Variants in ST18 observed in about 807,000 individuals in gnomAD.
ST18 encodes suppression of tumorigenicity 18 protein.
ST18 carries 50 observed loss-of-function variants against 110.0 expected under a neutral mutation model. The observed-to-expected ratio is 0.45, with a 90% CI of 0.36 to 0.58. The LOEUF (loss-of-function observed/expected upper bound fraction) is 0.58, where lower values mean the gene tolerates loss of function less well. Among genes scored for constraint, ST18 ranks in the 20% least tolerant of loss-of-function variants. The pLI is 0.00. For missense variants in ST18, 1,306 were observed against 1,280.1 expected, an observed-to-expected ratio of 1.02 and a Z score of -0.31; for synonymous variants, 461 against 452.4, an observed-to-expected ratio of 1.02 and a Z score of -0.24.
At position 52,142,623 on chromosome 8, in the gene ST18, A is replaced by G. The variant is rs181639049; in HGVS notation, c.2168+307T>C. Among the ~76,000 whole-genome samples, 5 of 152,320 alleles carry G rather than the reference A, an allele frequency of 3.3e-5. 1 individual carries two copies. The highest frequency in any genetic ancestry group is 6.5e-5 in the Admixed American group (1 of 15,312). ...CTTGCCCAAATAACAATTTGCATCA[A>G]GTGTTAGAAGGTTAGTAGAGTCCCA... On this transcript the variant is annotated intron_variant, in intron 17 of 25. Coordinates refer to ENST00000689386, the MANE Select transcript of ST18 (RefSeq NM_001352837.2).
At position 52,215,809 on chromosome 8, in the gene ST18, A is replaced by G. The variant is rs541225903; in HGVS notation, c.1-1552T>C. Among the ~76,000 whole-genome samples, 4 of 152,224 alleles carry G rather than the reference A, an allele frequency of 2.6e-5. No individual in the cohort carries two copies. The South Asian group carries it at 6.2e-4, about 24-fold the overall frequency. On this transcript the variant is annotated intron_variant, in intron 6 of 25. Coordinates refer to ENST00000689386, the MANE Select transcript of ST18 (RefSeq NM_001352837.2). ...AATGGCTTGGTTTACTCAGGATAGT[A>G]AGCACTGTGTTGTGAAATCCCCCTC...
At chr8:52,205,749 G>A (rs921873447) in intron 8 of ST18, among the ~76,000 whole-genome samples, 2 of 151,924 alleles carry the variant, frequency 1.3e-5, no homozygotes, top group Non-Finnish European at 2.9e-5. Flanking sequence ...CATATTTTTA[G>A]TAGAGAAAGG....
In ST18 at chr8:52,172,215, G is replaced by C; in HGVS notation, c.646C>G (p.Pro216Ala). 1 of 1,614,126 alleles carries C rather than the reference G, an allele frequency of 6.2e-7. No homozygotes were observed. The highest frequency in any genetic ancestry group is 8.5e-7 in the Non-Finnish European group (1 of 1,180,024). Residue 216 changes from proline (P) to alanine (A), a missense_variant, in exon 10 of 26, where the codon CCT (proline) becomes GCT (alanine). Coordinates refer to ENST00000689386, the MANE Select transcript of ST18 (RefSeq NM_001352837.2). The stretch of plus-strand genomic sequence containing the variant: ...GTTAAAACATACTTTGGGACTCTAG[G>C]TGGTTTGGTTTCTTCTGAGAAGTTG... ...GSNFSEETKP[P>A]RVPKYVLTDH...
intron 2 of ST18, among the ~76,000 whole-genome samples, chr8:52,285,494 C>T (rs2095455393): frequency 6.6e-6 from 1 of 152,182 alleles, no homozygotes; most frequent in African/African-American, 2.4e-5. Context: ...AGCAAGAAGT[C>T]AGATGCCAGG....
intron 2 of ST18, among the ~76,000 whole-genome samples, chr8:52,241,640 T>C (rs571335270): frequency 1.3e-5 from 2 of 152,230 alleles, no homozygotes; most frequent in Non-Finnish European, 2.9e-5. Flanking sequence ...TCTGATACTT[T>C]TAGGCTTGTA....
intron 2 of ST18, among the ~76,000 whole-genome samples, chr8:52,271,090 G>T (rs2138896488): frequency 6.6e-6 from 1 of 152,084 alleles, no homozygotes; most frequent in African/African-American, 2.4e-5. Flanking sequence ...AGTAGAGATG[G>T]GGTTTCACTG....
At chr8:52,195,497 GA>G (rs1279217692) in intron 8 of ST18, among the ~76,000 whole-genome samples, 1 of 151,756 alleles carries the variant, frequency 6.6e-6, no homozygotes, top group East Asian at 1.9e-4. Context: ...TGATCATAAA[GA>G]AAGATAAAAA....
At chr8:52,152,517 T>C (rs930204776) in intron 15 of ST18, among the ~76,000 whole-genome samples, 1 of 152,234 alleles carries the variant, frequency 6.6e-6, no homozygotes, top group Non-Finnish European at 1.5e-5. Context: ...CTTTCCGACT[T>C]AGAGGGGACA....
chr8:52,214,179 C>T (rs1344655881), intron 7 of ST18, 24 bp downstream of exon 7: 13 of 1,613,564 alleles, frequency 8.1e-6, no homozygotes, highest in African/African-American at 5.3e-5. Context: ...GGCATAGTGT[C>T]ATAGAACCTG....
intron 9 of ST18, among the ~76,000 whole-genome samples, chr8:52,178,762 C>T (rs1271723614): frequency 1.3e-5 from 2 of 150,238 alleles, no homozygotes; most frequent in Non-Finnish European, 2.9e-5. Flanking sequence ...TTATAATTTA[C>T]AGATGAGCTA....
intron 8 of ST18, among the ~76,000 whole-genome samples, chr8:52,188,798 A>G (rs1022057413): frequency 1.3e-5 from 2 of 152,180 alleles, no homozygotes; most frequent in African/African-American, 2.4e-5. Context: ...TGGAATTATG[A>G]GAGATTAGAT....
intron 2 of ST18, among the ~76,000 whole-genome samples, chr8:52,391,046 T>A (rs1269358726): frequency 6.6e-6 from 1 of 152,206 alleles, no homozygotes; most frequent in Non-Finnish European, 1.5e-5. Context: ...AGATGCTGTG[T>A]GTACCCAGGA....
intron 8 of ST18, among the ~76,000 whole-genome samples, chr8:52,196,985 G>A (rs2076390655): frequency 6.6e-6 from 1 of 152,186 alleles, no homozygotes. Flanking sequence ...AAAAGTTGGA[G>A]TTCAAAGTAA....
intron 2 of ST18, among the ~76,000 whole-genome samples, chr8:52,340,332 C>T (rs973602821): frequency 6.6e-5 from 10 of 152,212 alleles, no homozygotes; most frequent in East Asian, 1.9e-4. Context: ...CACTGGTGTA[C>T]GTTTTATGTG....
chr8:52,255,547 T>C (rs1200258365), intron 2 of ST18, among the ~76,000 whole-genome samples: 1 of 152,150 alleles, frequency 6.6e-6, no homozygotes, highest in East Asian at 1.9e-4. Flanking sequence ...CTACAAGACT[T>C]TTCATACTAA....
intron 2 of ST18, among the ~76,000 whole-genome samples, chr8:52,305,905 T>A (rs2095804906): frequency 6.6e-6 from 1 of 152,214 alleles, no homozygotes; most frequent in Admixed American, 6.5e-5. Flanking sequence ...ATGCTCTTTT[T>A]AAAGTGTTTG....
chr8:52,282,862 G>A (rs1238472200), intron 2 of ST18, among the ~76,000 whole-genome samples: 1 of 152,068 alleles, frequency 6.6e-6, no homozygotes, highest in South Asian at 2.1e-4. Flanking sequence ...GCAAGACCTT[G>A]GATGGTAAGG....
At chr8:52,291,141 T>C (rs1288425019) in intron 2 of ST18, among the ~76,000 whole-genome samples, 1 of 152,256 alleles carries the variant, frequency 6.6e-6, no homozygotes, top group Non-Finnish European at 1.5e-5. Flanking sequence ...CAGTATGAGC[T>C]GCAGAAGAAC....
intron 12 of ST18, among the ~76,000 whole-genome samples, chr8:52,164,555 T>C (rs1198732227): frequency 6.6e-6 from 1 of 152,194 alleles, no homozygotes; most frequent in Non-Finnish European, 1.5e-5. Context: ...TAGTACCTCA[T>C]CGCCACATAA....
Sources: gnomAD v4.1 joint callset for allele counts (sites outside exome capture counted in the v4.1 genomes callset) on GRCh38, gnomAD v4.1.1 for gene constraint, MANE v1.5 for transcripts, NCBI Gene and HGNC (gene_info 2026-07-23, HGNC 2026-07-21) for gene names.